MAF: variants seen among roughly 807,000 people sequenced by gnomAD.
The protein encoded by MAF is transcription factor Maf.
A neutral mutation model predicts 22.0 loss-of-function variants in MAF; 10 were observed. That is an observed-to-expected ratio of 0.45 (90% CI 0.28 to 0.77). The LOEUF (loss-of-function observed/expected upper bound fraction) is 0.77, where lower values mean the gene tolerates loss of function less well. Ranked by LOEUF, MAF falls within the 30% of genes least tolerant of loss-of-function variation. The pLI, the probability that MAF is intolerant of heterozygous loss-of-function variation, is 0.12. For synonymous variants in MAF, 337 were observed against 255.8 expected, an observed-to-expected ratio of 1.32 and a Z score of -3.03; for missense variants, 544 against 548.4, an observed-to-expected ratio of 0.99 and a Z score of 0.08.
the MAF span, among the ~76,000 whole-genome samples, chr16:79,571,687 G>C: frequency 6.6e-6 from 1 of 152,022 alleles, no homozygotes; most frequent in African/African-American, 2.4e-5. Flanking sequence ...GCTCTCCTAG[G>C]TTCAGGCAGG....
the MAF span, among the ~76,000 whole-genome samples, chr16:79,520,988 T>G: frequency 6.6e-6 from 1 of 152,216 alleles, no homozygotes; most frequent in Non-Finnish European, 1.5e-5. Flanking sequence ...TTCAAGTAAC[T>G]TACCCAAGAT....
At chr16:79,262,238 G>C in the MAF span, among the ~76,000 whole-genome samples, 2 of 152,196 alleles carry the variant, frequency 1.3e-5, no homozygotes, top group African/African-American at 4.8e-5. Context: ...TCCTTAGTGA[G>C]GGCCAGACAG....
chr16:79,209,020 C>T, the MAF span, among the ~76,000 whole-genome samples: 4 of 152,196 alleles, frequency 2.6e-5, no homozygotes, highest in African/African-American at 9.6e-5. Flanking sequence ...GTCGTCTTTG[C>T]TTTCGGGTGC....
the MAF span, among the ~76,000 whole-genome samples, chr16:79,373,753 G>A: frequency 1.3e-5 from 2 of 152,068 alleles, no homozygotes; most frequent in African/African-American, 4.8e-5. Flanking sequence ...GCCCTGAGCT[G>A]CCCCAGACTC....
At chr16:79,438,113 T>C in the MAF span, among the ~76,000 whole-genome samples, 1 of 151,666 alleles carries the variant, frequency 6.6e-6, no homozygotes, top group Non-Finnish European at 1.5e-5. Context: ...CCCCGTGGCG[T>C]TGGGGGGGCA....
chr16:79,231,886 T>C, the MAF span, among the ~76,000 whole-genome samples: 4 of 152,044 alleles, frequency 2.6e-5, no homozygotes, highest in Admixed American at 1.3e-4. Flanking sequence ...CCTGAGCTTA[T>C]TTTCCTGCAA....
At chr16:79,370,731 G>A in the MAF span, among the ~76,000 whole-genome samples, 1,962 of 152,070 alleles carry the variant, frequency 0.013, 23 homozygotes, top group African/African-American at 0.031. Context: ...GCTTTTCTCC[G>A]TCTCTGTTGT....
the MAF span, among the ~76,000 whole-genome samples, chr16:79,222,338 C>T: frequency 1.3e-5 from 2 of 152,060 alleles, no homozygotes; most frequent in Non-Finnish European, 2.9e-5. Flanking sequence ...CTGAAGAAAG[C>T]ACTAAACATG....
chr16:79,344,640 T>C, the MAF span, among the ~76,000 whole-genome samples: 2 of 152,324 alleles, frequency 1.3e-5, no homozygotes, highest in South Asian at 4.1e-4. Context: ...AGATGACTCT[T>C]ATCATTGCAA....
At chr16:79,593,084 A>G (rs370974523), downstream of MAF, among the ~76,000 whole-genome samples, 7 of 152,228 alleles carry the variant, frequency 4.6e-5, no homozygotes, top group East Asian at 1.2e-3. Flanking sequence ...CAAAACAGAA[A>G]AAAACAAACA....
chr16:79,596,104 T>C lies in MAF; in HGVS notation c.1119-1551A>G, dbSNP rs968079767. 19 of 1,062,420 alleles carry C rather than the reference T, an allele frequency of 1.8e-5. No individual in the cohort carries two copies. In the South Asian group the frequency reaches 5.9e-4, roughly 33 times the overall value. 65.8% of individuals were successfully genotyped at this position (1,062,420 alleles called of 1,614,324 possible). A position where few individuals can be genotyped will look rare whatever the true frequency, so the allele number is the denominator to read the frequency against. On this transcript the variant is annotated intron_variant, in intron 1 of 1. Coordinates refer to ENST00000326043, the MANE Select transcript of MAF (RefSeq NM_005360.5). ...GCATATGTGCGCAAGCCACCTCTGA[T>C]GCGCCATATTTGTCCGGCTCCTCTG...
At chr16:79,281,782 T>G in the MAF span, among the ~76,000 whole-genome samples, 1 of 152,106 alleles carries the variant, frequency 6.6e-6, no homozygotes, top group Non-Finnish European at 1.5e-5. Context: ...CTTGACCTTG[T>G]GATCTGCCTG....
At chr16:79,340,465 G>T in the MAF span, among the ~76,000 whole-genome samples, 1 of 151,086 alleles carries the variant, frequency 6.6e-6, no homozygotes, top group African/African-American at 2.4e-5. Context: ...ATATAGCAGA[G>T]AACAAAGTAG....
Position 79,586,390 on chromosome 16 carries a change from G to C in MAF, c.1119-449C>G, listed in dbSNP as rs185230593. 6.9e-3 allele frequency among the ~76,000 whole-genome samples: 1,017 copies of C among 146,364 alleles called. 4 individuals carry two copies. The highest frequency in any genetic ancestry group is 0.036 in the South Asian group (173 of 4,826). On this transcript the variant is annotated intron_variant, in intron 1 of 1. Transcript: ENST00000569649. Reference sequence around the variant, plus strand: ...CCCAGCTTCTGCCGGTGTGTGCTAGGGTTCCTTCTCTTCCATCTGCCCCCA... The same window carrying C: ...CCCAGCTTCTGCCGGTGTGTGCTAGCGTTCCTTCTCTTCCATCTGCCCCCA...
chr16:79,415,480 A>G, the MAF span, among the ~76,000 whole-genome samples: 1 of 152,198 alleles, frequency 6.6e-6, no homozygotes, highest in Admixed American at 6.5e-5. Flanking sequence ...CTATCCAGGA[A>G]TAGAGCTATG....
chr16:79,597,412 T>A, intron 1 of MAF: 2 of 1,031,228 alleles, frequency 1.9e-6, no homozygotes, highest in Non-Finnish European at 2.3e-6. Flanking sequence ...TTTCTCTTTT[T>A]AAAAAATAAA....
the MAF span, among the ~76,000 whole-genome samples, chr16:79,210,631 T>C: frequency 8.5e-5 from 13 of 152,236 alleles, no homozygotes; most frequent in South Asian, 1.5e-3. Context: ...TAAATAATCA[T>C]AAGATGCCAG....
At chr16:79,312,594 C>G in the MAF span, among the ~76,000 whole-genome samples, 3 of 152,230 alleles carry the variant, frequency 2.0e-5, no homozygotes, top group African/African-American at 7.2e-5. Context: ...CCTTCTAGCT[C>G]TTACAGTGTA....
At chr16:79,471,734 T>C in the MAF span, among the ~76,000 whole-genome samples, 1 of 152,218 alleles carries the variant, frequency 6.6e-6, no homozygotes, top group Non-Finnish European at 1.5e-5. Flanking sequence ...GGTTTGCTGA[T>C]GTCATAGTGT....
Sources: gnomAD v4.1 joint callset for allele counts (sites outside exome capture counted in the v4.1 genomes callset) on GRCh38, gnomAD v4.1.1 for gene constraint, MANE v1.5 for transcripts, NCBI Gene and HGNC (gene_info 2026-07-23, HGNC 2026-07-21) for gene names.